PINX1: variants seen among roughly 807,000 people sequenced by gnomAD.
PINX1 encodes the protein PIN2 (TERF1) interacting telomerase inhibitor 1.
A neutral mutation model predicts 25.4 loss-of-function variants in PINX1; 34 were observed. The observed-to-expected ratio is 1.34, with a 90% CI of 1.02 to 1.78. The LOEUF is 1.78. Ranked by LOEUF, PINX1 falls within the 40% of genes most tolerant of loss-of-function variation. The pLI, the probability that PINX1 is intolerant of heterozygous loss-of-function variation, is 0.00. For missense variants in PINX1, 592 were observed against 404.9 expected (o/e 1.46, Z -3.97); for synonymous variants, 197 against 147.7 (o/e 1.33, Z -2.42).
At chr8:10,796,947 T>A (rs1346289482) in intron 6 of PINX1, among the ~76,000 whole-genome samples, 1 of 151,960 alleles carries the variant, frequency 6.6e-6, no homozygotes, top group Non-Finnish European at 1.5e-5. Context: ...CCAGCAACAC[T>A]GATGGTTCCA....
chr8:10,801,203 A>G (rs1481674708), intron 6 of PINX1, among the ~76,000 whole-genome samples: 2 of 152,226 alleles, frequency 1.3e-5, no homozygotes. Flanking sequence ...AAGGGAAGGA[A>G]GGGGGAAGTG....
intron 5 of PINX1, among the ~76,000 whole-genome samples, chr8:10,823,287 C>G (rs975858386): frequency 1.1e-5 from 1 of 91,252 alleles, no homozygotes; most frequent in Non-Finnish European, 2.3e-5. Context: ...TAAAATAGCC[C>G]AAACTCTCAA....
intron 4 of PINX1, among the ~76,000 whole-genome samples, chr8:10,829,278 T>A (rs1586206969): frequency 9.5e-6 from 1 of 105,138 alleles, no homozygotes. Flanking sequence ...AGAGCAAGAC[T>A]CCATCTCAAA....
At chr8:10,836,966 T>C (rs1330949642) in intron 1 of PINX1, among the ~76,000 whole-genome samples, 2 of 152,130 alleles carry the variant, frequency 1.3e-5, no homozygotes, top group Non-Finnish European at 2.9e-5. Context: ...ACCTTTTACA[T>C]GTCCTTTGTA....
intron 6 of PINX1, among the ~76,000 whole-genome samples, chr8:10,768,129 G>A (rs891184902): frequency 2.7e-5 from 4 of 149,750 alleles, no homozygotes; most frequent in Admixed American, 1.3e-4. Context: ...AGACAGGCTC[G>A]GTGACCAGGC....
At chr8:10,786,331 T>C (rs1801745781) in intron 6 of PINX1, among the ~76,000 whole-genome samples, 2 of 152,170 alleles carry the variant, frequency 1.3e-5, no homozygotes, top group Non-Finnish European at 2.9e-5. Flanking sequence ...TTCTCTTGCA[T>C]GGTTGGCTCT....
Position 10,765,812 on chromosome 8 carries a change from C to G in PINX1, c.576G>C (p.Lys192Asn). The change falls in exon 7 of 7, where the codon AAG becomes AAC. Residue 192 changes from lysine (K) to asparagine (N), a missense_variant. Physicochemically the swap from Lys to Asn is moderately conservative, Grantham distance 94. Coordinates refer to ENST00000314787, the MANE Select transcript of PINX1 (RefSeq NM_017884.6). ...CAGACCCTGGAACTGGAACCTGGGG[C>G]TTGTTCTTCAGTGCTGCCATCCGCT... Reference protein sequence around the residue: ...FAKRMAALKNKPQVPVPGSDI... With the variant: ...FAKRMAALKNNPQVPVPGSDI... 1.9e-6 allele frequency: 3 copies of G among 1,613,966 alleles called. No individual in the cohort carries two copies. The highest frequency in any genetic ancestry group is 2.5e-6 in the Non-Finnish European group (3 of 1,179,890).
At chr8:10,811,441 G>A (rs1433350209) in intron 6 of PINX1, among the ~76,000 whole-genome samples, 1 of 152,190 alleles carries the variant, frequency 6.6e-6, no homozygotes, top group Admixed American at 6.5e-5. Flanking sequence ...CAGAACCACA[G>A]GAAGACAAAT....
intron 6 of PINX1, among the ~76,000 whole-genome samples, chr8:10,817,400 T>C (rs1020221188): frequency 3.3e-5 from 5 of 152,212 alleles, no homozygotes; most frequent in African/African-American, 9.7e-5. Flanking sequence ...CCTTTGACTA[T>C]AAGGGCTGTT....
At chr8:10,835,953 C>T (rs57689233) in intron 1 of PINX1, among the ~76,000 whole-genome samples, 17,940 of 151,992 alleles carry the variant, frequency 0.12, 1,683 homozygotes, top group African/African-American at 0.26. Context: ...TAAAGAACTC[C>T]AAAGGTTCAA....
chr8:10,765,449 T>G lies in PINX1; in HGVS notation c.939A>C (p.Thr313=), dbSNP rs772463618. Reference sequence around the variant, plus strand: ...TCTTTTTCACTAGCGTTTCTTCTAGTGTAGCGTCCTCTGCTATCTCTACTG... The same window carrying G: ...TCTTTTTCACTAGCGTTTCTTCTAGGGTAGCGTCCTCTGCTATCTCTACTG... ...QKPVEIAEDA[T]LEETLVKKKK... Residue 313 remains threonine, a synonymous_variant, in exon 7 of 7, where the codon ACA becomes ACC. Transcript: ENST00000314787. 1 of 1,612,136 alleles carries G rather than the reference T, an allele frequency of 6.2e-7. No homozygotes were observed. The highest frequency in any genetic ancestry group is 2.2e-5 in the East Asian group (1 of 44,882).
chr8:10,771,815 C>A (rs143058515), intron 6 of PINX1, among the ~76,000 whole-genome samples: 2 of 152,324 alleles, frequency 1.3e-5, no homozygotes, highest in African/African-American at 2.4e-5. Context: ...GAAACCACCC[C>A]CTTCTCATCA....
At chr8:10,771,812 C>A (rs1801231689) in intron 6 of PINX1, among the ~76,000 whole-genome samples, 1 of 152,220 alleles carries the variant, frequency 6.6e-6, no homozygotes, top group Non-Finnish European at 1.5e-5. Context: ...CATGAAACCA[C>A]CCCCTTCTCA....
At chr8:10,825,531 A>G (rs748214722) in intron 5 of PINX1, 7 of 519,942 alleles carry the variant, frequency 1.3e-5, no homozygotes, top group Non-Finnish European at 2.8e-5. Context: ...TGAAGACAAC[A>G]ACCGCATGCA....
At chr8:10,827,897 C>A (rs1364669814) in intron 4 of PINX1, among the ~76,000 whole-genome samples, 3 of 130,574 alleles carry the variant, frequency 2.3e-5, no homozygotes, top group South Asian at 5.1e-4. Context: ...GGTGACAGAG[C>A]GAGACTCCAT....
At chr8:10,780,504 C>T (rs1423544485) in intron 6 of PINX1, among the ~76,000 whole-genome samples, 2 of 152,120 alleles carry the variant, frequency 1.3e-5, no homozygotes, top group African/African-American at 4.8e-5. Flanking sequence ...TAATGCATTA[C>T]ATTGACTGAC....
chr8:10,831,203 T>C (rs1798217098), intron 4 of PINX1, among the ~76,000 whole-genome samples: 2 of 152,174 alleles, frequency 1.3e-5, no homozygotes, highest in African/African-American at 4.8e-5. Flanking sequence ...AAATATCACA[T>C]ATTCTCGTTC....
intron 6 of PINX1, among the ~76,000 whole-genome samples, chr8:10,773,239 T>C (rs995154990): frequency 6.6e-6 from 1 of 152,164 alleles, no homozygotes; most frequent in African/African-American, 2.4e-5. Flanking sequence ...CACATGTACA[T>C]ATATACACGT....
At chr8:10,793,499 C>T (rs199517161) in intron 6 of PINX1, among the ~76,000 whole-genome samples, 7 of 152,264 alleles carry the variant, frequency 4.6e-5, no homozygotes, top group East Asian at 3.9e-4. Context: ...AAAGACTTTA[C>T]GAATTTGTGT....
Sources: allele counts gnomAD v4.1 joint callset (sites outside exome capture counted in the v4.1 genomes callset), GRCh38; gene constraint gnomAD v4.1.1; transcripts MANE v1.5; gene names NCBI Gene and HGNC (gene_info 2026-07-23, HGNC 2026-07-21).